The following SUGCT variants were observed in gnomAD, a reference collection of about 807,000 sequenced individuals.
The protein encoded by SUGCT is succinyl-CoA:glutarate-CoA transferase, also known as succinyl-CoA:glutarate CoA-transferase.
SUGCT carries 41 observed loss-of-function variants against 55.0 expected under a neutral mutation model. The ratio of observed to expected loss-of-function variants is 0.74; its 90% CI spans 0.58 to 0.97. The LOEUF (loss-of-function observed/expected upper bound fraction) is 0.97, where lower values mean the gene tolerates loss of function less well. Among genes scored for constraint, SUGCT ranks in the 50% least tolerant of loss-of-function variants. SUGCT has a pLI of 0.00. For synonymous variants in SUGCT, 187 were observed against 200.4 expected (o/e 0.93, Z 0.56); for missense variants, 568 against 547.8 (o/e 1.04, Z -0.37).
At chr7:40,138,154 C>T (rs1268892528) in intron 1 of SUGCT, among the ~76,000 whole-genome samples, 2 of 152,120 alleles carry the variant, frequency 1.3e-5, no homozygotes, top group African/African-American at 4.8e-5. Context: ...TCTACATCCC[C>T]AACCCTCCAA....
At chr7:40,936,734 C>T in the SUGCT span, among the ~76,000 whole-genome samples, 1 of 151,762 alleles carries the variant, frequency 6.6e-6, no homozygotes, top group African/African-American at 2.4e-5. Context: ...GCTTTCAGAA[C>T]CATAAATCTC....
At chr7:40,359,522 C>T (rs938199259) in intron 9 of SUGCT, among the ~76,000 whole-genome samples, 1 of 152,028 alleles carries the variant, frequency 6.6e-6, no homozygotes, top group Non-Finnish European at 1.5e-5. Flanking sequence ...TCATTTAGTA[C>T]AGTAAGACTG....
intron 12 of SUGCT, among the ~76,000 whole-genome samples, chr7:40,536,681 G>A (rs1328984866): frequency 6.6e-6 from 1 of 152,158 alleles, no homozygotes; most frequent in Non-Finnish European, 1.5e-5. Context: ...TGAAAGATCT[G>A]GTCCTGGTCC....
intron 1 of SUGCT, among the ~76,000 whole-genome samples, chr7:40,172,040 G>T (rs1784701124): frequency 6.6e-6 from 1 of 151,902 alleles, no homozygotes; most frequent in African/African-American, 2.4e-5. Flanking sequence ...TGGATTTTGG[G>T]AACACGGTGG....
At chr7:40,765,150 G>A (rs1209434880) in intron 13 of SUGCT, among the ~76,000 whole-genome samples, 1 of 152,070 alleles carries the variant, frequency 6.6e-6, no homozygotes, top group South Asian at 2.1e-4. Context: ...GTGAATTACA[G>A]ATAATTTTCT....
the SUGCT span, among the ~76,000 whole-genome samples, chr7:41,009,963 A>T: frequency 1.3e-5 from 2 of 152,212 alleles, no homozygotes; most frequent in East Asian, 3.8e-4. Context: ...TGCTGTATTC[A>T]CATGCAAACT....
intron 12 of SUGCT, among the ~76,000 whole-genome samples, chr7:40,583,661 G>T (rs1797218952): frequency 2.0e-5 from 3 of 152,062 alleles, no homozygotes; most frequent in Admixed American, 1.3e-4. Context: ...TGCATAAATT[G>T]GCAAAGTATC....
intron 12 of SUGCT, among the ~76,000 whole-genome samples, chr7:40,712,618 C>G (rs1029183371): frequency 2.6e-5 from 4 of 152,188 alleles, no homozygotes; most frequent in African/African-American, 9.6e-5. Context: ...ATATTTGTTT[C>G]TTTTAAAGTA....
At chr7:40,968,908 T>C in the SUGCT span, among the ~76,000 whole-genome samples, 1 of 152,080 alleles carries the variant, frequency 6.6e-6, no homozygotes, top group East Asian at 1.9e-4. Context: ...GCACCTGTGG[T>C]GTGAGCATCC....
At chr7:40,659,291 A>C (rs1801188093) in intron 12 of SUGCT, among the ~76,000 whole-genome samples, 1 of 152,138 alleles carries the variant, frequency 6.6e-6, no homozygotes, top group Non-Finnish European at 1.5e-5. Flanking sequence ...GTGGAGGTGT[A>C]GTCATCTGAA....
At chr7:40,950,757 G>A in the SUGCT span, among the ~76,000 whole-genome samples, 10 of 152,220 alleles carry the variant, frequency 6.6e-5, no homozygotes, top group South Asian at 2.1e-4. Flanking sequence ...GCTGGATTAC[G>A]TTTATTGATT....
At chr7:40,881,917 A>C in the SUGCT span, among the ~76,000 whole-genome samples, 2 of 152,248 alleles carry the variant, frequency 1.3e-5, no homozygotes, top group Non-Finnish European at 2.9e-5. Flanking sequence ...AAAAATGCAC[A>C]TGTGAAAACC....
chr7:40,325,894 G>T (rs564289539), intron 9 of SUGCT, among the ~76,000 whole-genome samples: 1 of 110,236 alleles, frequency 9.1e-6, no homozygotes, highest in African/African-American at 3.4e-5. Flanking sequence ...TCATGGATGT[G>T]CGTCTTTTTT....
chr7:40,451,694 G>T (rs1483703647), intron 10 of SUGCT, among the ~76,000 whole-genome samples: 1 of 152,174 alleles, frequency 6.6e-6, no homozygotes, highest in African/African-American at 2.4e-5. Flanking sequence ...CAATCTGATT[G>T]ACTTTTTCAA....
intron 7 of SUGCT, among the ~76,000 whole-genome samples, chr7:40,272,669 T>C (rs1226481400): frequency 6.7e-6 from 1 of 149,502 alleles, no homozygotes; most frequent in Non-Finnish European, 1.5e-5. Context: ...TTATTATTTT[T>C]TTTTTTTTGA....
chr7:40,361,259 C>T (rs1488079527), intron 9 of SUGCT, among the ~76,000 whole-genome samples: 1 of 152,070 alleles, frequency 6.6e-6, no homozygotes, highest in Non-Finnish European at 1.5e-5. Context: ...CAACAAAGCA[C>T]AGGCAGCTCA....
intron 9 of SUGCT, among the ~76,000 whole-genome samples, chr7:40,422,186 T>G (rs1243350783): frequency 4.8e-5 from 7 of 146,426 alleles, no homozygotes; most frequent in Admixed American, 4.3e-4. Flanking sequence ...TGCAATGTGG[T>G]GGGGGTGGGG....
At chr7:40,289,582 T>A (rs1793593564) in intron 8 of SUGCT, among the ~76,000 whole-genome samples, 1 of 152,164 alleles carries the variant, frequency 6.6e-6, no homozygotes, top group Non-Finnish European at 1.5e-5. Flanking sequence ...GCATTCCCTT[T>A]GAAAACTGGC....
chr7:40,217,778 T>C (rs1333660122), intron 6 of SUGCT, among the ~76,000 whole-genome samples: 1 of 152,214 alleles, frequency 6.6e-6, no homozygotes, highest in Non-Finnish European at 1.5e-5. Flanking sequence ...TGGAACATCT[T>C]GCATTTGTGG....
Sources: gnomAD v4.1 joint callset for allele counts (sites outside exome capture counted in the v4.1 genomes callset) on GRCh38, gnomAD v4.1.1 for gene constraint, MANE v1.5 for transcripts, NCBI Gene and HGNC (gene_info 2026-07-23, HGNC 2026-07-21) for gene names.